The following NFATC1 variants were observed in gnomAD, a reference collection of about 807,000 sequenced individuals.
NFATC1 encodes nuclear factor of activated T-cells, cytoplasmic 1.
Under a neutral mutation model 76.0 loss-of-function variants are expected in NFATC1, and 22 were observed. That is an observed-to-expected ratio of 0.29 (90% CI 0.21 to 0.41). The LOEUF (loss-of-function observed/expected upper bound fraction) is 0.41. Ranked by LOEUF, NFATC1 falls within the 10% of genes least tolerant of loss-of-function variation. The pLI is 1.00. For synonymous variants in NFATC1, 704 were observed against 613.1 expected, an observed-to-expected ratio of 1.15 and a Z score of -2.19; for missense variants, 1,357 against 1,337.7, an observed-to-expected ratio of 1.01 and a Z score of -0.23.
At chr18:79,441,611 G>C (rs1314313802) in intron 3 of NFATC1, among the ~76,000 whole-genome samples, 1 of 152,134 alleles carries the variant, frequency 6.6e-6, no homozygotes, top group Non-Finnish European at 1.5e-5. Context: ...GGGTAGACTG[G>C]GGAGAAGTGC....
intron 9 of NFATC1, among the ~76,000 whole-genome samples, chr18:79,490,428 G>A (rs1485110326): frequency 6.7e-6 from 1 of 149,926 alleles, no homozygotes; most frequent in Non-Finnish European, 1.5e-5. Context: ...CTGGGTTAGG[G>A]CAGGGTGGTC....
chr18:79,397,051 G>A (rs1288524396), intron 1 of NFATC1, among the ~76,000 whole-genome samples: 1 of 152,196 alleles, frequency 6.6e-6, no homozygotes, highest in African/African-American at 2.4e-5. Flanking sequence ...AAAAAAAGAT[G>A]GCACAGTGTG....
intron 1 of NFATC1, among the ~76,000 whole-genome samples, chr18:79,404,303 C>T (rs1173128025): frequency 6.6e-6 from 1 of 152,206 alleles, no homozygotes; most frequent in Non-Finnish European, 1.5e-5. Context: ...CGAGGCCATC[C>T]TATTTGCCTT....
rs566293225 is a variant in NFATC1 at position 79,418,722 on chromosome 18, G to A, written c.1226+7221G>A. Among the ~76,000 whole-genome samples, 212 of 152,312 alleles carry A rather than the reference G, an allele frequency of 1.4e-3. 1 individual carries two copies. The highest frequency in any genetic ancestry group is 3.4e-3 in the Middle Eastern group (1 of 294). On this transcript the variant is annotated intron_variant, in intron 2 of 9. Coordinates refer to ENST00000427363, the MANE Select transcript of NFATC1 (RefSeq NM_001278669.2). ...CATTTGCTCCTTCTTGAGCCGCTTC[G>A]GTAGCATTTGGCAGCCCACGGTTTT... is the stretch of plus-strand genomic sequence containing the variant.
intron 8 of NFATC1, chr18:79,468,469 C>T (rs2088631744): frequency 6.6e-6 from 1 of 152,216 alleles, no homozygotes; most frequent in Admixed American, 6.5e-5. Context: ...GCTTAGCTAA[C>T]ATCAATAATC....
In NFATC1 at chr18:79,478,637, G is replaced by A. The variant is rs115669532; in HGVS notation, c.2093-7611G>A. 8.6e-3 allele frequency among the ~76,000 whole-genome samples: 1,314 copies of A among 152,330 alleles called. 21 individuals are homozygous for A. Among genetic ancestry groups the A allele is most frequent in the African/African-American group, 0.027 (1,108 of 41,564 alleles). Reference sequence around the variant, plus strand: ...GAATGCTCTTTGGCTGACGATGGCCGTGGCGGGGGCTTTGGGAGGGGAGGT... The same window carrying A: ...GAATGCTCTTTGGCTGACGATGGCCATGGCGGGGGCTTTGGGAGGGGAGGT... On this transcript the variant is annotated intron_variant, in intron 8 of 9. Transcript: ENST00000427363.
chr18:79,418,815 T>G (rs1205917456), intron 2 of NFATC1, among the ~76,000 whole-genome samples: 1 of 152,220 alleles, frequency 6.6e-6, no homozygotes, highest in East Asian at 1.9e-4. Flanking sequence ...GGGCGGGGTT[T>G]GCAACACCAG....
Position 79,396,206 on chromosome 18 carries a change from C to A in NFATC1, c.-19C>A, listed in dbSNP as rs1404975719. 6.8e-7 allele frequency: 1 copy of A among 1,472,958 alleles called. No individual in the cohort carries two copies. Among genetic ancestry groups the A allele is most frequent in the Non-Finnish European group, 9.1e-7 (1 of 1,103,224 alleles). The allele number at this position is 1,472,958 out of a possible 1,614,324, so 91.2% of individuals were successfully genotyped here. ...CTGTGCCTCCGCCCGCCGCTCCACT[C>A]CCCGCCGCCGCCGCGCGGATGCCAA... On this transcript the variant is annotated 5_prime_UTR_variant, in exon 1 of 10. Coordinates refer to ENST00000427363, the MANE Select transcript of NFATC1 (RefSeq NM_001278669.2).
intron 9 of NFATC1, among the ~76,000 whole-genome samples, chr18:79,516,418 C>A (rs1600984229): frequency 6.6e-6 from 1 of 152,238 alleles, no homozygotes; most frequent in African/African-American, 2.4e-5. Context: ...CTTTACAAAG[C>A]ATCTTTGAAA....
intron 9 of NFATC1, among the ~76,000 whole-genome samples, chr18:79,525,096 C>T: frequency 1.5e-5 from 1 of 64,712 alleles, no homozygotes; most frequent in South Asian, 4.8e-4. Flanking sequence ...CCCCTCAGGC[C>T]TCCCCACGTC....
intron 9 of NFATC1, among the ~76,000 whole-genome samples, chr18:79,506,286 C>T (rs1053641989): frequency 9.2e-5 from 14 of 152,180 alleles, no homozygotes; most frequent in Non-Finnish European, 1.6e-4. Flanking sequence ...TGGGCACCTG[C>T]GTGTCAGCCC....
intron 8 of NFATC1, among the ~76,000 whole-genome samples, chr18:79,483,169 G>C (rs141809294): frequency 6.0e-5 from 5 of 83,370 alleles, no homozygotes; most frequent in Admixed American, 1.2e-4. Context: ...AGCGTGACCT[G>C]GTTCCTGGGG....
At chr18:79,504,237 G>A (rs2145147484) in intron 9 of NFATC1, among the ~76,000 whole-genome samples, 1 of 150,578 alleles carries the variant, frequency 6.6e-6, no homozygotes, top group East Asian at 1.9e-4. Context: ...CTTTCGACGG[G>A]TGTTCCTCAC....
chr18:79,413,011 T>C (rs1380911399), intron 2 of NFATC1, among the ~76,000 whole-genome samples: 1 of 152,194 alleles, frequency 6.6e-6, no homozygotes, highest in African/African-American at 2.4e-5. Context: ...TTGGGAAAAT[T>C]TAAGAACTGT....
rs141053820 is a variant in NFATC1, at chr18:79,418,557, G to A, written c.1226+7056G>A. On this transcript the variant is annotated intron_variant, in intron 2 of 9. Coordinates refer to ENST00000427363, the MANE Select transcript of NFATC1 (RefSeq NM_001278669.2). ...AGCCTTCTGGGGTCAGAGCCCAGTC[G>A]AGGGGCTTTACGCAGCCTGTGGTGT... 7.9e-5 allele frequency among the ~76,000 whole-genome samples: 12 copies of A among 152,310 alleles called. No individual in the cohort carries two copies. In the East Asian group the frequency reaches 1.5e-3, roughly 20 times the overall value.
intron 9 of NFATC1, among the ~76,000 whole-genome samples, chr18:79,509,710 A>G (rs551818172): frequency 6.6e-6 from 1 of 152,224 alleles, no homozygotes; most frequent in Admixed American, 6.5e-5. Context: ...TCTGAGCTGA[A>G]CACCCATGAC....
chr18:79,462,431 A>G (rs1276862949), intron 7 of NFATC1, among the ~76,000 whole-genome samples: 1 of 152,002 alleles, frequency 6.6e-6, no homozygotes, highest in Non-Finnish European at 1.5e-5. Flanking sequence ...CCACCTCCCG[A>G]GTAGCTGGGA....
At chr18:79,473,739 T>C (rs2088891747) in intron 8 of NFATC1, among the ~76,000 whole-genome samples, 1 of 148,614 alleles carries the variant, frequency 6.7e-6, no homozygotes, top group East Asian at 2.0e-4. Flanking sequence ...TCACACTCAC[T>C]GTCGACGTTG....
chr18:79,425,922 T>A (rs1044522012), intron 2 of NFATC1, among the ~76,000 whole-genome samples: 61 of 152,160 alleles, frequency 4.0e-4, no homozygotes, highest in Non-Finnish European at 6.8e-4. Flanking sequence ...CCACGATAAA[T>A]GAGTCCTGCA....
Sources: gnomAD v4.1 joint callset for allele counts (sites outside exome capture counted in the v4.1 genomes callset) on GRCh38, gnomAD v4.1.1 for gene constraint, MANE v1.5 for transcripts, NCBI Gene and HGNC (gene_info 2026-07-23, HGNC 2026-07-21) for gene names.